Variants in ADGRB3 observed in about 807,000 individuals in gnomAD.
ADGRB3 encodes adhesion G protein-coupled receptor B3.
In ADGRB3, 37 loss-of-function variants were observed where a neutral mutation model predicts 193.4. The observed-to-expected ratio is 0.19, with a 90% CI of 0.15 to 0.25. The LOEUF is 0.25. Ranked by LOEUF, ADGRB3 falls within the 10% of genes least tolerant of loss-of-function variation. The pLI, the probability that ADGRB3 is intolerant of heterozygous loss-of-function variation, is 1.00. For missense variants in ADGRB3, 1,637 were observed against 1,852.9 expected (o/e 0.88, Z 2.14); for synonymous variants, 690 against 644.2 (o/e 1.07, Z -1.08).
intron 21 of ADGRB3, among the ~76,000 whole-genome samples, chr6:69,326,658 T>G (rs1768576796): frequency 1.3e-5 from 2 of 152,090 alleles, no homozygotes; most frequent in South Asian, 4.1e-4. Flanking sequence ...TAGAAAAAAT[T>G]TAATCTAAAT....
chr6:69,019,859 T>C (rs1770209969), intron 13 of ADGRB3, among the ~76,000 whole-genome samples: 1 of 151,944 alleles, frequency 6.6e-6, no homozygotes, highest in Non-Finnish European at 1.5e-5. Flanking sequence ...GAACGATGAA[T>C]TCAGAAATCA....
At chr6:68,787,089 T>C (rs1766990884) in intron 3 of ADGRB3, among the ~76,000 whole-genome samples, 2 of 152,216 alleles carry the variant, frequency 1.3e-5, no homozygotes, top group Admixed American at 6.5e-5. Context: ...TACAATCATG[T>C]AATCTGCAAA....
intron 17 of ADGRB3, among the ~76,000 whole-genome samples, chr6:69,124,567 G>T (rs1327278983): frequency 3.3e-5 from 5 of 152,108 alleles, no homozygotes; most frequent in Non-Finnish European, 7.4e-5. Flanking sequence ...TATAGAGACT[G>T]ACAAATTAAT....
At chr6:69,040,347 T>TTCTTTC (rs1554251262) in intron 13 of ADGRB3, among the ~76,000 whole-genome samples, 11 of 54,418 alleles carry the variant, frequency 2.0e-4, no homozygotes, top group East Asian at 1.4e-3. Flanking sequence ...CTTTCTTTCT[T>TTCTTTC]TCTTTCTTTC....
intron 3 of ADGRB3, among the ~76,000 whole-genome samples, chr6:68,723,063 A>AT (rs1430855029): frequency 1.3e-5 from 2 of 151,728 alleles, no homozygotes; most frequent in Admixed American, 6.6e-5. Flanking sequence ...ATGTTTAAAG[A>AT]TAGTAAACAT....
intron 11 of ADGRB3, among the ~76,000 whole-genome samples, chr6:68,996,321 C>T (rs1769381483): frequency 1.3e-5 from 2 of 152,098 alleles, no homozygotes; most frequent in African/African-American, 4.8e-5. Flanking sequence ...GTGGCCTCTT[C>T]CTTTTGATCC....
intron 30 of ADGRB3, among the ~76,000 whole-genome samples, chr6:69,378,253 G>T (rs1769872190): frequency 6.6e-6 from 1 of 151,974 alleles, no homozygotes; most frequent in Non-Finnish European, 1.5e-5. Flanking sequence ...TCACTACAGA[G>T]GGCACCTAGC....
At chr6:69,010,024 C>T (rs556916356) in intron 11 of ADGRB3, among the ~76,000 whole-genome samples, 87 of 152,164 alleles carry the variant, frequency 5.7e-4, no homozygotes, top group African/African-American at 2.0e-3. Context: ...ATAAAGTGTC[C>T]TTTTTGTCTC....
intron 29 of ADGRB3, among the ~76,000 whole-genome samples, chr6:69,365,239 TGA>T (rs771911849): frequency 6.6e-6 from 1 of 152,092 alleles, no homozygotes; most frequent in Non-Finnish European, 1.5e-5. Flanking sequence ...GAAGCACTGG[TGA>T]GAGAGTAGAG....
At chr6:69,025,723 A>T (rs1268280649) in intron 13 of ADGRB3, among the ~76,000 whole-genome samples, 1 of 152,174 alleles carries the variant, frequency 6.6e-6, no homozygotes, top group East Asian at 1.9e-4. Flanking sequence ...TATTGTGCTA[A>T]CATACTGGTT....
intron 3 of ADGRB3, among the ~76,000 whole-genome samples, chr6:68,719,006 A>G (rs1275931278): frequency 1.3e-5 from 2 of 151,800 alleles, no homozygotes; most frequent in Admixed American, 1.3e-4. Context: ...CCTCTGAACT[A>G]AAATGTGTGG....
chr6:68,955,641 T>C (rs545213976), intron 6 of ADGRB3, among the ~76,000 whole-genome samples: 1 of 151,972 alleles, frequency 6.6e-6, no homozygotes, highest in Admixed American at 6.6e-5. Context: ...AATACAAAAA[T>C]TATTTTGGGG....
chr6:69,022,006 C>T (rs117667441), intron 13 of ADGRB3, among the ~76,000 whole-genome samples: 5,878 of 151,720 alleles, frequency 0.039, 136 homozygotes, highest in Middle Eastern at 0.065. Flanking sequence ...AGATTTCAAA[C>T]CAATGAATTT....
chr6:69,030,961 C>CTTTTCTTTTCTT (rs1554248222), intron 13 of ADGRB3, among the ~76,000 whole-genome samples: 9,966 of 97,108 alleles, frequency 0.1, 2,467 homozygotes, highest in Middle Eastern at 0.15. Context: ...TTCTTTTTTT[C>CTTTTCTTTTCTT]TTTTCTTTTC....
chr6:68,782,777 A>C lies in ADGRB3; in HGVS notation c.757+143345A>C, dbSNP rs1259336279. 4.6e-5 allele frequency among the ~76,000 whole-genome samples: 7 copies of C among 152,060 alleles called. No individual in the cohort carries two copies. In the East Asian group the frequency reaches 1.4e-3, roughly 29 times the overall value. On this transcript the variant is annotated intron_variant, in intron 3 of 31. Transcript: ENST00000370598. The stretch of plus-strand genomic sequence containing the variant: ...TTGGCTGCATAAATGTCTTCTTTTG[A>C]GAAGTGTCTGTTCATATCCTTCGCC...
intron 17 of ADGRB3, among the ~76,000 whole-genome samples, chr6:69,136,131 G>T (rs1774142583): frequency 6.6e-6 from 1 of 151,866 alleles, no homozygotes; most frequent in Non-Finnish European, 1.5e-5. Flanking sequence ...TGTGGGTGTG[G>T]ACATACATAT....
chr6:69,175,047 A>C (rs1012408008), intron 17 of ADGRB3, among the ~76,000 whole-genome samples: 1 of 151,822 alleles, frequency 6.6e-6, no homozygotes, highest in East Asian at 1.9e-4. Flanking sequence ...TTTTTTTTCC[A>C]TTCTGTAGGT....
At chr6:69,144,288 T>TTAGTTCTAA (rs1774420492) in intron 17 of ADGRB3, among the ~76,000 whole-genome samples, 1 of 152,210 alleles carries the variant, frequency 6.6e-6, no homozygotes, top group Admixed American at 6.5e-5. Context: ...AATTTGTTTA[T>TTAGTTCTAA]TAGTTCTAAT....
At chr6:69,156,573 G>T (rs531461055) in intron 17 of ADGRB3, among the ~76,000 whole-genome samples, 1 of 152,294 alleles carries the variant, frequency 6.6e-6, no homozygotes, top group Admixed American at 6.5e-5. Context: ...ATAGTAAGGA[G>T]TAGGGATATG....
Sources: allele counts gnomAD v4.1 joint callset (sites outside exome capture counted in the v4.1 genomes callset), GRCh38; gene constraint gnomAD v4.1.1; transcripts MANE v1.5; gene names NCBI Gene and HGNC (gene_info 2026-07-23, HGNC 2026-07-21).